Variants in MAP3K5 observed in about 807,000 individuals in gnomAD.
The protein encoded by MAP3K5 is mitogen-activated protein kinase kinase kinase 5, also known as ASK-1.
Under a neutral mutation model 158.7 loss-of-function variants are expected in MAP3K5, and 56 were observed. The ratio of observed to expected loss-of-function variants is 0.35; its 90% CI spans 0.28 to 0.44. The LOEUF is 0.44. MAP3K5 is among the 20% of genes least tolerant of loss of function. MAP3K5 has a pLI of 1.00. For synonymous variants in MAP3K5, 579 were observed against 601.7 expected, an observed-to-expected ratio of 0.96 and a Z score of 0.55; for missense variants, 1,294 against 1,674.8, an observed-to-expected ratio of 0.77 and a Z score of 3.97.
At chr6:136,583,436 A>T (rs1350050252) in intron 24 of MAP3K5, 119 bp downstream of exon 24, 1 of 929,888 alleles carries the variant, frequency 1.1e-6, no homozygotes, top group African/African-American at 1.7e-5. Context: ...CACATTTTTC[A>T]TCCAAAAAGA....
intron 7 of MAP3K5, 38 bp from the exon 8 acceptor site, chr6:136,669,433 A>G (rs201462866): frequency 5.8e-6 from 7 of 1,196,604 alleles, no homozygotes; most frequent in African/African-American, 4.5e-5. Flanking sequence ...AACTTTCTCA[A>G]TCATGAAACC....
At chr6:136,580,799 T>A (rs1774836976) in intron 24 of MAP3K5, among the ~76,000 whole-genome samples, 1 of 152,062 alleles carries the variant, frequency 6.6e-6, no homozygotes, top group African/African-American at 2.4e-5. Flanking sequence ...TTCAATTACT[T>A]CTTCTTATTA....
intron 14 of MAP3K5, among the ~76,000 whole-genome samples, chr6:136,633,443 T>TC (rs1777472697): frequency 2.1e-5 from 3 of 145,752 alleles, no homozygotes; most frequent in Non-Finnish European, 4.5e-5. Context: ...ATATATATAT[T>TC]CTTTTCAACT....
chr6:136,766,243 T>C (rs1783963101), intron 1 of MAP3K5, among the ~76,000 whole-genome samples: 2 of 152,206 alleles, frequency 1.3e-5, no homozygotes, highest in South Asian at 4.1e-4. Context: ...GGAATAAACT[T>C]CTGAATTGCA....
chr6:136,768,867 C>A (rs936452164), intron 1 of MAP3K5, among the ~76,000 whole-genome samples: 11 of 151,254 alleles, frequency 7.3e-5, no homozygotes, highest in Admixed American at 3.3e-4. Flanking sequence ...GAGCCAAGAT[C>A]GTGCCACTGC....
chr6:136,630,959 G>A (rs972199980), intron 14 of MAP3K5, among the ~76,000 whole-genome samples: 5 of 152,096 alleles, frequency 3.3e-5, no homozygotes, highest in Non-Finnish European at 7.4e-5. Flanking sequence ...AATTAGTCAG[G>A]CATGGTGGTG....
chr6:136,558,252 G>A (rs754548666), intron 29 of MAP3K5, among the ~76,000 whole-genome samples: 13 of 152,018 alleles, frequency 8.6e-5, no homozygotes, highest in Non-Finnish European at 1.8e-4. Context: ...GGTGGTGGGC[G>A]CCTATAGTCC....
chr6:136,609,865 G>A lies in MAP3K5; in HGVS notation c.2521+1417C>T, dbSNP rs1776255642. Among the ~76,000 whole-genome samples the A allele has an allele frequency of 1.4e-5, 2 of 146,546 alleles. No individual in the cohort carries two copies. Among genetic ancestry groups the A allele is most frequent in the Non-Finnish European group, 1.5e-5 (1 of 66,460 alleles). ...TCCTAGATACTTAGGAGAGTGGGGT[G>A]GGTGGACTGCTTAAACCCAGGAGTT... On this transcript the variant is annotated intron_variant, in intron 18 of 29. Coordinates refer to ENST00000359015, the MANE Select transcript of MAP3K5 (RefSeq NM_005923.4). The surrounding 1 kb of genome is among the most constrained non-coding windows in gnomAD (Gnocchi z 4.4).
chr6:136,739,321 C>A (rs1363958431), intron 1 of MAP3K5, among the ~76,000 whole-genome samples: 1 of 152,140 alleles, frequency 6.6e-6, no homozygotes, highest in African/African-American at 2.4e-5. Context: ...GTGCAGCCCT[C>A]AACACCCTGA....
At chr6:136,626,214 T>C (rs1777030110) in intron 14 of MAP3K5, among the ~76,000 whole-genome samples, 1 of 151,918 alleles carries the variant, frequency 6.6e-6, no homozygotes, top group Non-Finnish European at 1.5e-5. Flanking sequence ...TAGAAGGCAG[T>C]CGGGTGGTGT....
intron 14 of MAP3K5, among the ~76,000 whole-genome samples, chr6:136,636,248 C>A (rs1419866769): frequency 6.6e-6 from 1 of 152,034 alleles, no homozygotes; most frequent in East Asian, 1.9e-4. Context: ...AGCTAGCCAG[C>A]TTCTTCTACC....
chr6:136,573,529 G>A (rs1163215113), intron 25 of MAP3K5, among the ~76,000 whole-genome samples: 2 of 152,208 alleles, frequency 1.3e-5, no homozygotes, highest in African/African-American at 4.8e-5. Context: ...TGTAGTAAGA[G>A]TGCTAAGGGG....
chr6:136,597,393 TCAGATCCTAA>T lies in MAP3K5; in HGVS notation c.2878+3619_2878+3628del, dbSNP rs565985940. On this transcript the variant is annotated intron_variant, in intron 21 of 29. Coordinates refer to ENST00000359015, the MANE Select transcript of MAP3K5 (RefSeq NM_005923.4). ...CCCTTCCATTGCTGTGAGGGTGGCC[TCAGATCCTAA>T]CAGCTATTCATGATCACTAGGGATC... 6.2e-3 allele frequency among the ~76,000 whole-genome samples: 938 copies of T among 152,314 alleles called. 8 individuals are homozygous for T. The highest frequency in any genetic ancestry group is 0.011 in the Non-Finnish European group (743 of 68,024).
At chr6:136,703,963 T>C (rs1780961996) in intron 3 of MAP3K5, among the ~76,000 whole-genome samples, 1 of 152,234 alleles carries the variant, frequency 6.6e-6, no homozygotes, top group Admixed American at 6.5e-5. Flanking sequence ...ACTGGCTTAC[T>C]TTCTGAAATA....
At chr6:136,632,075 C>T (rs531915776) in intron 14 of MAP3K5, among the ~76,000 whole-genome samples, 25 of 152,172 alleles carry the variant, frequency 1.6e-4, no homozygotes, top group East Asian at 1.5e-3. Flanking sequence ...TGAGGTTGGG[C>T]GTCTGCATGT....
At chr6:136,670,835 G>T (rs745306508) in intron 7 of MAP3K5, among the ~76,000 whole-genome samples, 1 of 151,968 alleles carries the variant, frequency 6.6e-6, no homozygotes, top group Non-Finnish European at 1.5e-5. Context: ...TGTACCTATG[G>T]AATATGAAAA....
intron 21 of MAP3K5, among the ~76,000 whole-genome samples, chr6:136,595,043 G>A (rs1049415437): frequency 6.6e-6 from 1 of 152,146 alleles, no homozygotes; most frequent in Non-Finnish European, 1.5e-5. Flanking sequence ...TGTCACTATG[G>A]CTCGTTAAGG....
At chr6:136,659,870 G>A (rs1778929251) in intron 8 of MAP3K5, among the ~76,000 whole-genome samples, 1 of 152,118 alleles carries the variant, frequency 6.6e-6, no homozygotes, top group Non-Finnish European at 1.5e-5. Context: ...TTTTTGTTAC[G>A]TACATTTTAT....
intron 14 of MAP3K5, among the ~76,000 whole-genome samples, chr6:136,635,611 A>C (rs1777586305): frequency 6.6e-6 from 1 of 151,672 alleles, no homozygotes; most frequent in African/African-American, 2.4e-5. Context: ...ATTATAGGCC[A>C]GGCATGGTGC....
Sources: allele counts gnomAD v4.1 joint callset (sites outside exome capture counted in the v4.1 genomes callset), GRCh38; gene constraint gnomAD v4.1.1; non-coding constraint Gnocchi (gnomAD v3.1); transcripts MANE v1.5; gene names NCBI Gene and HGNC (gene_info 2026-07-23, HGNC 2026-07-21).